Variants in PLXDC2 observed in about 807,000 individuals in gnomAD.
The protein encoded by PLXDC2 is plexin domain containing 2.
Under a neutral mutation model 68.9 loss-of-function variants are expected in PLXDC2, and 40 were observed. The ratio of observed to expected loss-of-function variants is 0.58; its 90% CI spans 0.45 to 0.76. The LOEUF is 0.76. Ranked by LOEUF, PLXDC2 falls within the 30% of genes least tolerant of loss-of-function variation. PLXDC2 has a pLI of 0.00. For missense variants in PLXDC2, 644 were observed against 661.9 expected, an observed-to-expected ratio of 0.97 and a Z score of 0.30; for synonymous variants, 243 against 234.2, an observed-to-expected ratio of 1.04 and a Z score of -0.34.
At chr10:19,999,142 G>GT (rs1834887549) in intron 1 of PLXDC2, among the ~76,000 whole-genome samples, 1 of 152,140 alleles carries the variant, frequency 6.6e-6, no homozygotes, top group South Asian at 2.1e-4. Context: ...GGCTCCTCCA[G>GT]TATTAGGCAT....
At chr10:20,124,801 T>G (rs1222772389) in intron 4 of PLXDC2, among the ~76,000 whole-genome samples, 1 of 150,594 alleles carries the variant, frequency 6.6e-6, no homozygotes, top group Non-Finnish European at 1.5e-5. Flanking sequence ...TTGTCATCAG[T>G]TAAGGCAGGA....
chr10:20,082,526 A>C (rs1311541189), intron 4 of PLXDC2, among the ~76,000 whole-genome samples: 1 of 152,230 alleles, frequency 6.6e-6, no homozygotes, highest in Non-Finnish European at 1.5e-5. Context: ...AACTATAGAG[A>C]TGCTGTTTTT....
intron 1 of PLXDC2, among the ~76,000 whole-genome samples, chr10:19,926,911 C>G (rs1202491806): frequency 1.3e-5 from 2 of 152,140 alleles, no homozygotes; most frequent in African/African-American, 4.8e-5. Flanking sequence ...TAGCTCCTAA[C>G]CTAGGAGTTT....
chr10:19,877,248 GGA>G (rs1837648964), intron 1 of PLXDC2, among the ~76,000 whole-genome samples: 1 of 151,530 alleles, frequency 6.6e-6, no homozygotes, highest in Non-Finnish European at 1.5e-5. Context: ...GAGAGGGAGG[GGA>G]GAGAGGGAGA....
intron 4 of PLXDC2, among the ~76,000 whole-genome samples, chr10:20,085,974 C>T (rs1833188019): frequency 6.6e-6 from 1 of 152,178 alleles, no homozygotes; most frequent in African/African-American, 2.4e-5. Context: ...ACTACTCATC[C>T]CTCAATAGAA....
chr10:20,190,644 AC>A (rs1227586970), intron 9 of PLXDC2, among the ~76,000 whole-genome samples: 1 of 151,504 alleles, frequency 6.6e-6, no homozygotes, highest in African/African-American at 2.4e-5. Flanking sequence ...TATAAAAGGA[AC>A]ATTACATTAA....
At chr10:19,971,104 A>G (rs899908461) in intron 1 of PLXDC2, among the ~76,000 whole-genome samples, 3 of 152,158 alleles carry the variant, frequency 2.0e-5, no homozygotes, top group African/African-American at 7.2e-5. Flanking sequence ...AATATAATAT[A>G]TGGTTAATTG....
intron 1 of PLXDC2, among the ~76,000 whole-genome samples, chr10:19,873,734 A>T (rs536599650): frequency 6.6e-6 from 1 of 152,226 alleles, no homozygotes; most frequent in African/African-American, 2.4e-5. Flanking sequence ...TTACTAGAAA[A>T]TGTACATGAT....
intron 4 of PLXDC2, among the ~76,000 whole-genome samples, chr10:20,134,042 G>A (rs902576052): frequency 6.6e-6 from 1 of 152,122 alleles, no homozygotes; most frequent in Non-Finnish European, 1.5e-5. Flanking sequence ...TTCAGTTCCA[G>A]AATTTCTGTT....
chr10:19,868,745 A>G (rs1837469156), intron 1 of PLXDC2, among the ~76,000 whole-genome samples: 1 of 152,138 alleles, frequency 6.6e-6, no homozygotes, highest in Non-Finnish European at 1.5e-5. Context: ...GTTTTAGTGT[A>G]TTTACTCTAT....
intron 4 of PLXDC2, among the ~76,000 whole-genome samples, chr10:20,128,676 T>A (rs1415177689): frequency 6.6e-6 from 1 of 152,128 alleles, no homozygotes; most frequent in African/African-American, 2.4e-5. Flanking sequence ...TCCCCCCACT[T>A]CTAGCAGCCA....
At chr10:20,003,440 T>TTGTG (rs1408148073) in intron 2 of PLXDC2, among the ~76,000 whole-genome samples, 7 of 152,036 alleles carry the variant, frequency 4.6e-5, no homozygotes, top group Non-Finnish European at 1.0e-4. Flanking sequence ...GTTTGTTTGT[T>TTGTG]TGTTTGTTTT....
At chr10:20,144,253 T>C (rs1444913437) in intron 5 of PLXDC2, among the ~76,000 whole-genome samples, 1 of 152,158 alleles carries the variant, frequency 6.6e-6, no homozygotes, top group Admixed American at 6.6e-5. Flanking sequence ...TACAAGCATT[T>C]GGGGTGAACA....
At chr10:20,100,506 G>A (rs1833408863) in intron 4 of PLXDC2, among the ~76,000 whole-genome samples, 1 of 152,124 alleles carries the variant, frequency 6.6e-6, no homozygotes, top group South Asian at 2.1e-4. Flanking sequence ...TCAGCCAAGT[G>A]CAAGCATTTT....
At chr10:19,894,557 T>C (rs1472759975) in intron 1 of PLXDC2, among the ~76,000 whole-genome samples, 1 of 152,236 alleles carries the variant, frequency 6.6e-6, no homozygotes, top group Non-Finnish European at 1.5e-5. Context: ...TTTTAAGTTA[T>C]AAACAGTGGA....
intron 1 of PLXDC2, among the ~76,000 whole-genome samples, chr10:19,859,814 C>T (rs112494803): frequency 6.6e-6 from 1 of 152,154 alleles, no homozygotes; most frequent in Non-Finnish European, 1.5e-5. Flanking sequence ...TTACTGCAAA[C>T]TTCCTCTCCT....
intron 4 of PLXDC2, among the ~76,000 whole-genome samples, chr10:20,097,613 C>T (rs1043907754): frequency 1.3e-5 from 2 of 151,896 alleles, no homozygotes; most frequent in African/African-American, 4.8e-5. Context: ...TAGAAAAACA[C>T]TGATGAATCA....
At chr10:20,126,455 A>G (rs1410033280) in intron 4 of PLXDC2, among the ~76,000 whole-genome samples, 9 of 111,446 alleles carry the variant, frequency 8.1e-5, no homozygotes, top group Admixed American at 3.2e-4. Flanking sequence ...ATATATGTAT[A>G]TACAACACAC....
At chr10:19,894,538 A>G (rs1838022727) in intron 1 of PLXDC2, among the ~76,000 whole-genome samples, 1 of 152,144 alleles carries the variant, frequency 6.6e-6, no homozygotes, top group African/African-American at 2.4e-5. Flanking sequence ...TTAAATATTT[A>G]TTTTGAAATT....
Sources: gnomAD v4.1 joint callset for allele counts (sites outside exome capture counted in the v4.1 genomes callset) on GRCh38, gnomAD v4.1.1 for gene constraint, MANE v1.5 for transcripts, NCBI Gene and HGNC (gene_info 2026-07-23, HGNC 2026-07-21) for gene names.